Variants in CSMD1 observed in about 807,000 individuals in gnomAD.
CSMD1 encodes CUB and sushi domain-containing protein 1.
Under a neutral mutation model 417.5 loss-of-function variants are expected in CSMD1, and 213 were observed. The ratio of observed to expected loss-of-function variants is 0.51; its 90% CI spans 0.46 to 0.57. The LOEUF (loss-of-function observed/expected upper bound fraction) is 0.57. Ranked by LOEUF, CSMD1 falls within the 20% of genes least tolerant of loss-of-function variation. CSMD1 has a pLI of 0.00. For missense variants in CSMD1, 6,923 were observed against 4,529.7 expected, an observed-to-expected ratio of 1.53 and a Z score of -15.17; for synonymous variants, 2,862 against 1,736.8, an observed-to-expected ratio of 1.65 and a Z score of -16.11.
chr8:4,906,995 G>C (rs746586733), intron 1 of CSMD1, among the ~76,000 whole-genome samples: 3 of 152,106 alleles, frequency 2.0e-5, no homozygotes, highest in Admixed American at 6.5e-5. Context: ...ACTTATTCAA[G>C]ACTTAATTCA....
At chr8:4,543,842 G>A (rs541439024) in intron 2 of CSMD1, among the ~76,000 whole-genome samples, 2 of 152,188 alleles carry the variant, frequency 1.3e-5, no homozygotes, top group African/African-American at 4.8e-5. Flanking sequence ...GAATGTGGTG[G>A]TATCTGATTA....
At chr8:4,176,972 A>G (rs546946877) in intron 3 of CSMD1, among the ~76,000 whole-genome samples, 41 of 151,838 alleles carry the variant, frequency 2.7e-4, no homozygotes, top group African/African-American at 9.7e-4. Context: ...CTCCCACACA[A>G]TAAAAATGGG....
rs187376592 is a variant in CSMD1, at chr8:3,083,153, C to T, written c.7474+3944G>A. Among the ~76,000 whole-genome samples, 11 of 152,092 alleles carry T rather than the reference C, an allele frequency of 7.2e-5. No homozygotes were observed. The East Asian group carries it at 1.2e-3, about 16-fold the overall frequency. On this transcript the variant is annotated intron_variant, in intron 49 of 69. Coordinates refer to ENST00000635120, the MANE Select transcript of CSMD1 (RefSeq NM_033225.6). Reference sequence around the variant, plus strand: ...TGTCAGCAATTCAGGATCACATAAACGGTGACGATTCTTCCTTATATATTA... The same window carrying T: ...TGTCAGCAATTCAGGATCACATAAATGGTGACGATTCTTCCTTATATATTA...
At chr8:4,634,241 T>G (rs1802701042) in intron 2 of CSMD1, among the ~76,000 whole-genome samples, 2 of 152,144 alleles carry the variant, frequency 1.3e-5, no homozygotes, top group Admixed American at 1.3e-4. Context: ...TATTAATTTT[T>G]TAACTCTAAA....
At chr8:4,302,866 C>G (rs1337960684) in intron 3 of CSMD1, among the ~76,000 whole-genome samples, 2 of 152,190 alleles carry the variant, frequency 1.3e-5, no homozygotes, top group South Asian at 4.2e-4. Flanking sequence ...GCAGGACCAG[C>G]AGTTTAAATG....
chr8:3,245,171 A>G (rs1032600645), intron 26 of CSMD1, among the ~76,000 whole-genome samples: 1 of 152,140 alleles, frequency 6.6e-6, no homozygotes, highest in Non-Finnish European at 1.5e-5. Flanking sequence ...CTCTCTGTAA[A>G]TGGCACTCCT....
rs181593555 is a variant in CSMD1 at position 3,374,159 on chromosome 8, G to A, written c.2783-4789C>T. On this transcript the variant is annotated intron_variant, in intron 18 of 69. Coordinates refer to ENST00000635120, the MANE Select transcript of CSMD1 (RefSeq NM_033225.6). ...AGTAGAGACGGGGTTTCACCTTGTT[G>A]TCCCGGCTAGTCTCGAACTCCTGAC... is the stretch of plus-strand genomic sequence containing the variant. 2.5e-3 allele frequency among the ~76,000 whole-genome samples: 364 copies of A among 147,648 alleles called. 4 individuals carry two copies. The highest frequency in any genetic ancestry group is 8.6e-3 in the Admixed American group (128 of 14,824).
intron 3 of CSMD1, among the ~76,000 whole-genome samples, chr8:4,117,463 G>A (rs73173874): frequency 6.6e-6 from 1 of 152,054 alleles, no homozygotes; most frequent in Non-Finnish European, 1.5e-5. Context: ...GGTTATGATC[G>A]TCTTAATAAA....
At chr8:3,297,643 C>G (rs974535227) in intron 25 of CSMD1, among the ~76,000 whole-genome samples, 1 of 152,014 alleles carries the variant, frequency 6.6e-6, no homozygotes, top group Non-Finnish European at 1.5e-5. Flanking sequence ...ATACTGTACA[C>G]AAAAATTTAT....
chr8:4,966,265 G>A (rs909947107), intron 1 of CSMD1, among the ~76,000 whole-genome samples: 4 of 150,196 alleles, frequency 2.7e-5, no homozygotes, highest in Admixed American at 6.6e-5. Context: ...TGTAATCCCA[G>A]CTACTTGGGA....
intron 59 of CSMD1, 40 bp from the exon 60 acceptor site, chr8:2,963,435 C>A (rs747390594): frequency 2.3e-5 from 37 of 1,596,564 alleles, no homozygotes; most frequent in Non-Finnish European, 3.2e-5. Flanking sequence ...TTCCGGAGCT[C>A]CCGCTGCAGC....
At chr8:4,272,405 A>G (rs1053603530) in intron 3 of CSMD1, among the ~76,000 whole-genome samples, 7 of 152,148 alleles carry the variant, frequency 4.6e-5, no homozygotes, top group African/African-American at 1.7e-4. Context: ...CCTATAGACA[A>G]TGAGGATTAC....
intron 66 of CSMD1, among the ~76,000 whole-genome samples, chr8:2,950,562 C>A (rs988245762): frequency 6.6e-6 from 1 of 152,060 alleles, no homozygotes; most frequent in East Asian, 1.9e-4. Flanking sequence ...TAGGTATAAT[C>A]CACTCCACTA....
chr8:3,926,190 C>G (rs1456469693), intron 5 of CSMD1, among the ~76,000 whole-genome samples: 1 of 151,914 alleles, frequency 6.6e-6, no homozygotes, highest in Admixed American at 6.6e-5. Context: ...TTTTCCCAGA[C>G]ATGATTTTAA....
chr8:3,188,714 T>C (rs1469199566), intron 35 of CSMD1, among the ~76,000 whole-genome samples, 173 bp downstream of exon 35: 1 of 151,716 alleles, frequency 6.6e-6, no homozygotes, highest in Non-Finnish European at 1.5e-5. Context: ...GTTGAAATAC[T>C]AAGAAAAGGG....
At chr8:3,344,921 A>T (rs1807891676) in intron 22 of CSMD1, among the ~76,000 whole-genome samples, 1 of 152,228 alleles carries the variant, frequency 6.6e-6, no homozygotes, top group African/African-American at 2.4e-5. Context: ...GACCCAGGTC[A>T]TTGTGTAAAA....
Position 4,164,766 on chromosome 8 carries a change from C to G in CSMD1, c.416-132667G>C, listed in dbSNP as rs557708477. Among the ~76,000 whole-genome samples the G allele has an allele frequency of 3.0e-3, 463 of 152,002 alleles. 1 individual carries two copies. The highest frequency in any genetic ancestry group is 0.011 in the African/African-American group (444 of 41,474). ...CAGTTTGTGCCTGTAGTCCTAGCTA[C>G]CTGGGAGGCGGAGGCAGGAGAATGG... is the stretch of plus-strand genomic sequence containing the variant. On this transcript the variant is annotated intron_variant, in intron 3 of 69. Coordinates refer to ENST00000635120, the MANE Select transcript of CSMD1 (RefSeq NM_033225.6).
chr8:4,779,957 T>C (rs139185815), intron 1 of CSMD1, among the ~76,000 whole-genome samples: 1,535 of 152,174 alleles, frequency 0.01, 11 homozygotes, highest in East Asian at 0.049. Context: ...TTTGGCCAAA[T>C]GATTGTTAAA....
At chr8:4,311,451 C>T (rs115200075) in intron 3 of CSMD1, among the ~76,000 whole-genome samples, 1,948 of 152,166 alleles carry the variant, frequency 0.013, 34 homozygotes, top group African/African-American at 0.044. Context: ...GTCTGGACAT[C>T]GTGGCTCACA....
Sources: gnomAD v4.1 joint callset for allele counts (sites outside exome capture counted in the v4.1 genomes callset) on GRCh38, gnomAD v4.1.1 for gene constraint, MANE v1.5 for transcripts, NCBI Gene and HGNC (gene_info 2026-07-23, HGNC 2026-07-21) for gene names.